CSMD1: variants seen among roughly 807,000 people sequenced by gnomAD.
CSMD1 encodes CUB and Sushi multiple domains 1.
A neutral mutation model predicts 417.5 loss-of-function variants in CSMD1; 213 were observed. The ratio of observed to expected loss-of-function variants is 0.51; its 90% CI spans 0.46 to 0.57. CSMD1 has a LOEUF of 0.57. CSMD1 is among the 20% of genes least tolerant of loss of function. The probability of loss-of-function intolerance (pLI) is 0.00; values close to 1 mark genes in which losing one functional copy is unlikely to be tolerated. For synonymous variants in CSMD1, 2,862 were observed against 1,736.8 expected (o/e 1.65, Z -16.11); for missense variants, 6,923 against 4,529.7 (o/e 1.53, Z -15.17).
chr8:4,545,943 G>C (rs1368539881), intron 2 of CSMD1, among the ~76,000 whole-genome samples: 1 of 149,754 alleles, frequency 6.7e-6, no homozygotes, highest in Non-Finnish European at 1.5e-5. Context: ...TTCTTTCTCA[G>C]AAAGAAACTT....
At chr8:3,431,176 G>T (rs1238110398) in intron 12 of CSMD1, among the ~76,000 whole-genome samples, 1 of 152,040 alleles carries the variant, frequency 6.6e-6, no homozygotes, top group Non-Finnish European at 1.5e-5. Context: ...TATGGAAGAG[G>T]GATGATGGAG....
At chr8:4,015,678 A>T (rs1796487583) in intron 4 of CSMD1, among the ~76,000 whole-genome samples, 1 of 151,290 alleles carries the variant, frequency 6.6e-6, no homozygotes, top group South Asian at 2.1e-4. Flanking sequence ...AAAAAAAAAA[A>T]AAAAACTCAA....
chr8:4,638,277 A>G (rs1382051579), intron 1 of CSMD1, among the ~76,000 whole-genome samples: 2 of 152,180 alleles, frequency 1.3e-5, no homozygotes. Flanking sequence ...TTATAAAACT[A>G]TATACATACA....
intron 1 of CSMD1, among the ~76,000 whole-genome samples, chr8:4,907,203 C>T (rs576833795): frequency 6.6e-6 from 1 of 152,186 alleles, no homozygotes; most frequent in East Asian, 1.9e-4. Flanking sequence ...ACAACTTTTA[C>T]TCTCTTTGAA....
chr8:3,983,930 T>C (rs1248352882), intron 5 of CSMD1, among the ~76,000 whole-genome samples: 1 of 152,186 alleles, frequency 6.6e-6, no homozygotes, highest in Non-Finnish European at 1.5e-5. Context: ...GACAGGGCTG[T>C]CAATTGCAAC....
chr8:3,956,568 T>A (rs899543132), intron 5 of CSMD1, among the ~76,000 whole-genome samples: 2 of 152,218 alleles, frequency 1.3e-5, no homozygotes, highest in Non-Finnish European at 2.9e-5. Flanking sequence ...TTAATATGTA[T>A]CAAATACTGT....
At chr8:4,725,311 C>A (rs1432459720) in intron 1 of CSMD1, among the ~76,000 whole-genome samples, 1 of 152,116 alleles carries the variant, frequency 6.6e-6, no homozygotes, top group East Asian at 1.9e-4. Context: ...CACCATTTTT[C>A]CTAATTAGCA....
chr8:4,338,892 A>G (rs565779677), intron 3 of CSMD1, among the ~76,000 whole-genome samples: 45 of 152,254 alleles, frequency 3.0e-4, no homozygotes, highest in African/African-American at 1.0e-3. Flanking sequence ...ACCTTTTACT[A>G]GAACTGACAA....
intron 25 of CSMD1, among the ~76,000 whole-genome samples, chr8:3,288,322 C>G (rs568056503): frequency 6.8e-6 from 1 of 146,104 alleles, no homozygotes; most frequent in African/African-American, 2.7e-5. Flanking sequence ...CCTCATAAAA[C>G]GAGGGAGGAT....
intron 1 of CSMD1, among the ~76,000 whole-genome samples, chr8:4,703,626 G>A (rs1241717174): frequency 1.3e-5 from 2 of 152,064 alleles, no homozygotes; most frequent in African/African-American, 4.8e-5. Flanking sequence ...TTCCCAAACT[G>A]GGGATTTCTA....
chr8:3,388,510 T>C (rs1321992400), intron 17 of CSMD1, among the ~76,000 whole-genome samples: 2 of 152,240 alleles, frequency 1.3e-5, no homozygotes, highest in Non-Finnish European at 2.9e-5. Context: ...TTAGAATGAA[T>C]ATCTGAACTG....
intron 5 of CSMD1, among the ~76,000 whole-genome samples, chr8:3,983,135 C>CTTTTTTTTTTTTTTTTT (rs201667296): frequency 6.0e-5 from 8 of 133,512 alleles, no homozygotes; most frequent in East Asian, 2.2e-4. Context: ...ATCTTTCTTT[C>CTTTTTTTTTTTTTTTTT]TTTTTTTTTT....
intron 10 of CSMD1, among the ~76,000 whole-genome samples, chr8:3,514,136 T>A (rs965382453): frequency 3.3e-5 from 5 of 152,312 alleles, no homozygotes; most frequent in African/African-American, 1.2e-4. Flanking sequence ...AATCTCTCCG[T>A]AATCACTTCT....
At chr8:3,005,503 C>G (rs1807812277) in intron 52 of CSMD1, among the ~76,000 whole-genome samples, 3 of 152,246 alleles carry the variant, frequency 2.0e-5, no homozygotes, top group Non-Finnish European at 4.4e-5. Flanking sequence ...CCTTGATGAA[C>G]ATTGATGCAA....
chr8:3,784,655 T>G (rs1799351937), intron 5 of CSMD1, among the ~76,000 whole-genome samples: 1 of 152,230 alleles, frequency 6.6e-6, no homozygotes, highest in Non-Finnish European at 1.5e-5. Context: ...CTGTTTGGTT[T>G]GGAAATAAGG....
intron 1 of CSMD1, among the ~76,000 whole-genome samples, chr8:4,932,398 G>A (rs192113768): frequency 6.6e-6 from 1 of 151,838 alleles, no homozygotes; most frequent in East Asian, 1.9e-4. Flanking sequence ...GACAGAGTTT[G>A]TTCCTTCTGT....
chr8:4,006,272 T>A (rs555747379), intron 4 of CSMD1, among the ~76,000 whole-genome samples: 2 of 152,192 alleles, frequency 1.3e-5, no homozygotes, highest in African/African-American at 4.8e-5. Flanking sequence ...GGATCATGAC[T>A]CTGGAATAAA....
intron 3 of CSMD1, among the ~76,000 whole-genome samples, chr8:4,284,171 T>G (rs779124): frequency 7.2e-5 from 11 of 152,102 alleles, no homozygotes; most frequent in Non-Finnish European, 1.6e-4. Flanking sequence ...AGTTCCAGAC[T>G]AGGCTGGCCA....
chr8:4,134,165 G>A (rs1803278582), intron 3 of CSMD1, among the ~76,000 whole-genome samples: 1 of 152,122 alleles, frequency 6.6e-6, no homozygotes, highest in South Asian at 2.1e-4. Context: ...TCATGTGTAT[G>A]TTTGACTATT....
Sources: gnomAD v4.1 joint callset for allele counts (sites outside exome capture counted in the v4.1 genomes callset) on GRCh38, gnomAD v4.1.1 for gene constraint, MANE v1.5 for transcripts, NCBI Gene and HGNC (gene_info 2026-07-23, HGNC 2026-07-21) for gene names.